Variants in ATAD5 observed in about 807,000 individuals in gnomAD.
The protein encoded by ATAD5 is ATPase family AAA domain-containing protein 5.
In ATAD5, 58 loss-of-function variants were observed where a neutral mutation model predicts 176.9. The observed-to-expected ratio is 0.33, with a 90% CI of 0.27 to 0.41. The LOEUF (loss-of-function observed/expected upper bound fraction) is 0.41, where lower values mean the gene tolerates loss of function less well. Among genes scored for constraint, ATAD5 ranks in the 10% least tolerant of loss-of-function variants. ATAD5 has a pLI of 1.00. For synonymous variants in ATAD5, 640 were observed against 712.6 expected (o/e 0.90, Z 1.62); for missense variants, 1,789 against 2,094.1 (o/e 0.85, Z 2.84).
At chr17:30,847,316 C>CTA (rs552039836) in intron 6 of ATAD5, among the ~76,000 whole-genome samples, 2,886 of 150,052 alleles carry the variant, frequency 0.019, 54 homozygotes, top group African/African-American at 0.044. Flanking sequence ...GAATATGCCG[C>CTA]TATATATATA....
At chr17:30,855,120 T>A (rs575371347) in intron 6 of ATAD5, 23 bp from the exon 7 acceptor site, 1 of 1,557,920 alleles carries the variant, frequency 6.4e-7, no homozygotes, top group South Asian at 1.2e-5. Flanking sequence ...TAGCTTTTCT[T>A]TTTCAAATCA....
chr17:30,892,028 A>C (rs1909664438), intron 19 of ATAD5, among the ~76,000 whole-genome samples: 2 of 151,620 alleles, frequency 1.3e-5, no homozygotes, highest in South Asian at 4.2e-4. Context: ...TTAGGTATTT[A>C]TTTTTCTTCT....
At chr17:30,840,122 C>G (rs550307060) in intron 3 of ATAD5, among the ~76,000 whole-genome samples, 1 of 146,770 alleles carries the variant, frequency 6.8e-6, no homozygotes. Context: ...CACTTGAACT[C>G]GGGAGGCAGA....
At chr17:30,852,899 T>A (rs867915741) in intron 6 of ATAD5, among the ~76,000 whole-genome samples, 5 of 151,852 alleles carry the variant, frequency 3.3e-5, no homozygotes, top group African/African-American at 1.2e-4. Context: ...TTCTTTTTTT[T>A]TTTTTTTGAG....
At chr17:30,867,056 C>A (rs931405334) in intron 11 of ATAD5, among the ~76,000 whole-genome samples, 4 of 142,924 alleles carry the variant, frequency 2.8e-5, no homozygotes, top group Non-Finnish European at 4.6e-5. Context: ...TTCCTTCTTT[C>A]TTTTTTTTTT....
At chr17:30,878,737 T>TGTTTTTTG (rs1567696553) in intron 17 of ATAD5, among the ~76,000 whole-genome samples, 2,549 of 120,680 alleles carry the variant, frequency 0.021, 176 homozygotes, top group African/African-American at 0.074. Context: ...TTTTTTTTTT[T>TGTTTTTTG]TTTTTTTTTT....
intron 19 of ATAD5, among the ~76,000 whole-genome samples, chr17:30,888,035 A>G (rs1034297097): frequency 6.6e-6 from 1 of 151,476 alleles, no homozygotes; most frequent in African/African-American, 2.4e-5. Context: ...GGGTTTCATT[A>G]TGTTGGCTAG....
chr17:30,841,530 T>C (rs914805841), intron 4 of ATAD5, among the ~76,000 whole-genome samples: 5 of 152,218 alleles, frequency 3.3e-5, no homozygotes, highest in African/African-American at 1.2e-4. Context: ...AAGTGTACAA[T>C]TCAGTGACTT....
At chr17:30,890,818 T>C (rs964537199) in intron 19 of ATAD5, among the ~76,000 whole-genome samples, 1 of 152,120 alleles carries the variant, frequency 6.6e-6, no homozygotes, top group African/African-American at 2.4e-5. Flanking sequence ...CCCTACTTCT[T>C]GAAAGTAGCC....
Position 30,835,725 on chromosome 17 carries a change from C to T in ATAD5, c.1644C>T (p.Asp548=). 4.3e-6 allele frequency: 7 copies of T among 1,610,800 alleles called. No homozygotes were observed. The highest frequency in any genetic ancestry group is 2.2e-5 in the East Asian group (1 of 44,862). ...SLVYEDIAND[D]LLKVSSLCNN... The stretch of plus-strand genomic sequence containing the variant: ...TTTATGAAGATATAGCAAATGATGA[C>T]CTTCTAAAGGTTTCCTCTCTGTGTA... The change falls in exon 2 of 23, where the codon GAC becomes GAT. Residue 548 remains aspartate, a synonymous_variant. Coordinates refer to ENST00000321990, the MANE Select transcript of ATAD5 (RefSeq NM_024857.5).
Position 30,865,719 on chromosome 17 carries a change from A to G in ATAD5, c.3152A>G (p.Asp1051Gly). 6.4e-7 allele frequency: 1 copy of G among 1,567,410 alleles called. No homozygotes were observed. Among genetic ancestry groups the G allele is most frequent in the Non-Finnish European group, 8.6e-7 (1 of 1,163,418 alleles). ...TTTGCTTTAGATTCTGGAACTGAAGACATGCTTTGGACAGAAAAGTATCAA... is the reference window on the plus strand; with the variant it reads ...TTTGCTTTAGATTCTGGAACTGAAGGCATGCTTTGGACAGAAAAGTATCAA... ...LDSSKDSGTEDMLWTEKYQPQ... is the reference protein window; with the variant it reads ...LDSSKDSGTEGMLWTEKYQPQ... Residue 1051 changes from aspartate (D) to glycine (G), a missense_variant, in exon 11 of 23, where the codon GAC becomes GGC. Around this residue, in one of 6 missense-constraint regions of ATAD5, gnomAD observed 487 missense variants for 573.6 expected, o/e 0.85. Coordinates refer to ENST00000321990, the MANE Select transcript of ATAD5 (RefSeq NM_024857.5).
intron 17 of ATAD5, among the ~76,000 whole-genome samples, chr17:30,878,756 G>T (rs1908838063): frequency 1.2e-5 from 1 of 86,420 alleles, no homozygotes. Flanking sequence ...TTTGGAGACA[G>T]AGTCTCACTC....
chr17:30,861,114 A>G (rs1907604340), intron 10 of ATAD5, among the ~76,000 whole-genome samples: 1 of 151,412 alleles, frequency 6.6e-6, no homozygotes, highest in African/African-American at 2.4e-5. Flanking sequence ...CGCCCAGGTA[A>G]TTTTTATATT....
chr17:30,840,878 G>T (rs1906065501), intron 4 of ATAD5, 97 bp downstream of exon 4: 8 of 1,246,874 alleles, frequency 6.4e-6, no homozygotes. Context: ...GTAGGTTTGT[G>T]TGATAGCTTG....
intron 14 of ATAD5, among the ~76,000 whole-genome samples, chr17:30,876,085 C>T (rs1408186450): frequency 6.8e-6 from 1 of 147,714 alleles, no homozygotes; most frequent in African/African-American, 2.5e-5. Flanking sequence ...TGTAGTGAGC[C>T]GAGATCATGC....
rs972074546 is a variant in ATAD5 at position 30,832,141 on chromosome 17, C to G, written c.-207C>G. 7.4e-6 allele frequency: 3 copies of G among 403,102 alleles called. No individual in the cohort carries two copies. The highest frequency in any genetic ancestry group is 1.3e-5 in the Non-Finnish European group (3 of 227,878). 25.0% of individuals were successfully genotyped at this position (403,102 alleles called of 1,614,324 possible). On this transcript the variant is annotated 5_prime_UTR_variant, in exon 1 of 23. Transcript: ENST00000321990. ...TCAGGGATCTCATTGCCCGCGCTTT[C>G]TCATTGCCTCTTTCCGTGTTCGATT... is the stretch of plus-strand genomic sequence containing the variant.
chr17:30,851,495 C>CAA (rs533451681), intron 6 of ATAD5, among the ~76,000 whole-genome samples: 2 of 105,376 alleles, frequency 1.9e-5, no homozygotes, highest in Non-Finnish European at 2.0e-5. Context: ...GACTCTGTCT[C>CAA]AAAAAAAAAA....
At chr17:30,863,570 G>A (rs1907779704) in intron 10 of ATAD5, among the ~76,000 whole-genome samples, 2 of 150,390 alleles carry the variant, frequency 1.3e-5, no homozygotes, top group African/African-American at 4.9e-5. Flanking sequence ...GTTTCACCGT[G>A]TTAGCCAGGA....
At chr17:30,866,064 C>T (rs148316610) in intron 11 of ATAD5, among the ~76,000 whole-genome samples, 2 of 151,974 alleles carry the variant, frequency 1.3e-5, no homozygotes, top group East Asian at 3.9e-4. Context: ...CACATTACTA[C>T]TAATTCAGGT....
Sources: allele counts gnomAD v4.1 joint callset (sites outside exome capture counted in the v4.1 genomes callset), GRCh38; gene constraint gnomAD v4.1.1; regional missense constraint gnomAD v4.1.1; transcripts MANE v1.5; gene names NCBI Gene and HGNC (gene_info 2026-07-23, HGNC 2026-07-21).